NMNAT2: variants seen among roughly 807,000 people sequenced by gnomAD.
NMNAT2 encodes nicotinamide/nicotinic acid mononucleotide adenylyltransferase 2.
Under a neutral mutation model 41.6 loss-of-function variants are expected in NMNAT2, and 11 were observed. That is an observed-to-expected ratio of 0.26 (90% CI 0.17 to 0.44). The LOEUF (loss-of-function observed/expected upper bound fraction) is 0.44, where lower values mean the gene tolerates loss of function less well. NMNAT2 is among the 20% of genes least tolerant of loss of function. The probability of loss-of-function intolerance (pLI) is 1.00; values close to 1 mark genes in which losing one functional copy is unlikely to be tolerated. For synonymous variants in NMNAT2, 148 were observed against 151.2 expected (o/e 0.98, Z 0.16); for missense variants, 288 against 407.7 (o/e 0.71, Z 2.53).
intron 1 of NMNAT2, among the ~76,000 whole-genome samples, chr1:183,364,847 A>G (rs1020959498): frequency 3.9e-5 from 6 of 152,056 alleles, no homozygotes; most frequent in African/African-American, 1.5e-4. Flanking sequence ...GCCCACCACC[A>G]CATCCGGCTA....
rs577205708 is a variant in NMNAT2 at position 183,395,865 on chromosome 1, C to A, written c.85+22318G>T. On this transcript the variant is annotated intron_variant, in intron 1 of 10. Transcript: ENST00000287713. ...TGTATCTGTCTATTCTGATCCTGTA[C>A]CTTTAGCATAAAGGTGAGTGTGGCT... Among the ~76,000 whole-genome samples, 3 of 152,278 alleles carry A rather than the reference C, an allele frequency of 2.0e-5. No homozygotes were observed. The South Asian group carries it at 6.2e-4, about 32-fold the overall frequency.
chr1:183,257,785 TG>T (rs1470199437), intron 10 of NMNAT2, among the ~76,000 whole-genome samples: 7 of 150,832 alleles, frequency 4.6e-5, no homozygotes, highest in African/African-American at 1.7e-4. Context: ...TTGTCAATTT[TG>T]TTTTTTTTTT....
At chr1:183,307,912 A>C (rs1368394899) in intron 1 of NMNAT2, among the ~76,000 whole-genome samples, 1 of 152,192 alleles carries the variant, frequency 6.6e-6, no homozygotes, top group African/African-American at 2.4e-5. Flanking sequence ...ATGTAAGAGA[A>C]GCCAAGGTTG....
At chr1:183,260,955 T>C (rs777531795) in intron 10 of NMNAT2, 47 bp downstream of exon 10, 22 of 1,447,016 alleles carry the variant, frequency 1.5e-5, no homozygotes, top group Non-Finnish European at 2.1e-5. Flanking sequence ...TGTGGAGACT[T>C]ATAAGACAGT....
chr1:183,263,741 G>C (rs1660727960), intron 8 of NMNAT2, among the ~76,000 whole-genome samples: 1 of 152,210 alleles, frequency 6.6e-6, no homozygotes, highest in Admixed American at 6.5e-5. Flanking sequence ...CTGAGGGGCG[G>C]AGCTTGCAGT....
At chr1:183,412,445 G>C (rs566716376) in intron 1 of NMNAT2, among the ~76,000 whole-genome samples, 1 of 152,112 alleles carries the variant, frequency 6.6e-6, no homozygotes, top group Non-Finnish European at 1.5e-5. Flanking sequence ...GGATGGTCTC[G>C]ATCTCCTGAC....
chr1:183,381,759 G>A (rs907463508), intron 1 of NMNAT2, among the ~76,000 whole-genome samples: 3 of 151,994 alleles, frequency 2.0e-5, no homozygotes, highest in Non-Finnish European at 4.4e-5. Context: ...TAAAATAACA[G>A]TTACTCTGTG....
chr1:183,261,653 C>G (rs1455229524), intron 8 of NMNAT2, among the ~76,000 whole-genome samples: 1 of 152,198 alleles, frequency 6.6e-6, no homozygotes, highest in Non-Finnish European at 1.5e-5. Context: ...GCGTCCTTAC[C>G]TGGTAAACAC....
intron 1 of NMNAT2, among the ~76,000 whole-genome samples, chr1:183,370,217 A>AACACACACACACAC (rs1169390842): frequency 1.1e-5 from 1 of 89,414 alleles, no homozygotes; most frequent in Non-Finnish European, 2.3e-5. Context: ...CACTACTATC[A>AACACACACACACAC]ACACATACAC....
chr1:183,384,159 C>T lies in NMNAT2; in HGVS notation c.85+34024G>A, dbSNP rs185254044. On this transcript the variant is annotated intron_variant, in intron 1 of 10. Coordinates refer to ENST00000287713, the MANE Select transcript of NMNAT2 (RefSeq NM_015039.4). The stretch of plus-strand genomic sequence containing the variant: ...GGAAGCAAGGCACCTCTTATGTGGC[C>T]GGAGCAGAAGGAAGATAGTGAACAA... Among the ~76,000 whole-genome samples the T allele has an allele frequency of 1.3e-3, 191 of 152,102 alleles. 2 individuals carry two copies. Among genetic ancestry groups the T allele is most frequent in the African/African-American group, 3.9e-3 (161 of 41,474 alleles).
intron 1 of NMNAT2, among the ~76,000 whole-genome samples, chr1:183,352,182 G>A (rs528986059): frequency 7.9e-5 from 12 of 152,224 alleles, no homozygotes; most frequent in East Asian, 3.9e-4. Flanking sequence ...CTTCAAAATC[G>A]TTCACCTCCC....
intron 4 of NMNAT2, among the ~76,000 whole-genome samples, chr1:183,289,450 C>T (rs1015812842): frequency 2.0e-5 from 3 of 152,216 alleles, no homozygotes; most frequent in Admixed American, 6.5e-5. Flanking sequence ...CTCTGCAGCC[C>T]GGCCACAGGC....
At chr1:183,305,716 CT>C (rs5741563) in intron 1 of NMNAT2, among the ~76,000 whole-genome samples, 44,380 of 122,806 alleles carry the variant, frequency 0.36, 7,945 homozygotes, top group Middle Eastern at 0.44. Flanking sequence ...CCTTTACAGC[CT>C]TTTTTTTTTT....
chr1:183,380,128 A>G (rs1205763850), intron 1 of NMNAT2, among the ~76,000 whole-genome samples: 1 of 152,196 alleles, frequency 6.6e-6, no homozygotes, highest in Non-Finnish European at 1.5e-5. Context: ...CTCATGAGAG[A>G]GATTTTGTTC....
intron 10 of NMNAT2, among the ~76,000 whole-genome samples, chr1:183,255,258 C>T (rs1002308477): frequency 1.3e-5 from 2 of 152,162 alleles, no homozygotes; most frequent in Admixed American, 6.5e-5. Flanking sequence ...GCTCACTATT[C>T]GGTTCCACTG....
intron 1 of NMNAT2, among the ~76,000 whole-genome samples, chr1:183,397,793 T>C (rs1648692800): frequency 6.6e-6 from 1 of 152,174 alleles, no homozygotes; most frequent in Non-Finnish European, 1.5e-5. Context: ...ACGCAGAATT[T>C]CATGTCCAGC....
Position 183,249,733 on chromosome 1 carries a change from T to TGTGTGTGTG in NMNAT2, c.*2907_*2908insCACACACAC, listed in dbSNP as rs1472264510. On this transcript the variant is annotated 3_prime_UTR_variant, in exon 11 of 11. Coordinates refer to ENST00000287713, the MANE Select transcript of NMNAT2 (RefSeq NM_015039.4). ...TGTGTGTGTGTGTGTGTGTGTGTGT[T>TGTGTGTGTG]TGGGGGGTAGGGGGTGCGGCGATGG... 1.4e-4 allele frequency: 9 copies of TGTGTGTGTG among 65,296 alleles called. No individual in the cohort carries two copies. The South Asian group carries it at 2.3e-3, about 17-fold the overall frequency. 4.0% of individuals were successfully genotyped at this position (65,296 alleles called of 1,614,324 possible).
At chr1:183,273,823 TTCCC>T (rs1375969151) in intron 8 of NMNAT2, among the ~76,000 whole-genome samples, 3 of 44,944 alleles carry the variant, frequency 6.7e-5, no homozygotes, top group African/African-American at 3.0e-4. Context: ...TTCCTTTCTT[TTCCC>T]TCCCTCCCTC....
chr1:183,410,157 C>CAAA (rs57169849), intron 1 of NMNAT2, among the ~76,000 whole-genome samples: 5 of 128,678 alleles, frequency 3.9e-5, no homozygotes, highest in African/African-American at 1.2e-4. Context: ...AAAATAATAC[C>CAAA]AAAAAAAAAA....
Sources: allele counts gnomAD v4.1 joint callset (sites outside exome capture counted in the v4.1 genomes callset), GRCh38; gene constraint gnomAD v4.1.1; transcripts MANE v1.5; gene names NCBI Gene and HGNC (gene_info 2026-07-23, HGNC 2026-07-21).